TEX14: variants seen among roughly 807,000 people sequenced by gnomAD.
The protein encoded by TEX14 is testis expressed 14, intercellular bridge forming factor.
TEX14 carries 168 observed loss-of-function variants against 178.6 expected under a neutral mutation model. That is an observed-to-expected ratio of 0.94 (90% CI 0.83 to 1.07). TEX14 has a LOEUF of 1.07. TEX14 is among the 50% of genes least tolerant of loss of function. TEX14 has a pLI of 0.00. For synonymous variants in TEX14, 626 were observed against 634.1 expected (o/e 0.99, Z 0.19); for missense variants, 1,730 against 1,753.6 (o/e 0.99, Z 0.24).
intron 4 of TEX14, among the ~76,000 whole-genome samples, chr17:58,622,374 A>G (rs2046018848): frequency 6.6e-6 from 1 of 151,194 alleles, no homozygotes; most frequent in African/African-American, 2.4e-5. Context: ...TGAACCCAGG[A>G]GGCGGAGGTT....
At chr17:58,594,700 C>T (rs1379544726) in intron 14 of TEX14, among the ~76,000 whole-genome samples, 3 of 151,926 alleles carry the variant, frequency 2.0e-5, no homozygotes, top group Admixed American at 1.3e-4. Context: ...TTGTACTTAT[C>T]CATAAAATAA....
chr17:58,563,697 AGAGAGCGC>A (rs2044333776), intron 28 of TEX14, among the ~76,000 whole-genome samples: 5 of 24,764 alleles, frequency 2.0e-4, no homozygotes, highest in Non-Finnish European at 2.3e-4. Flanking sequence ...AGAGAGAGAG[AGAGAGCGC>A]AAGATCATAC....
chr17:58,674,755 T>A (rs1393126648), intron 1 of TEX14, among the ~76,000 whole-genome samples: 1 of 141,914 alleles, frequency 7.0e-6, no homozygotes, highest in Non-Finnish European at 1.5e-5. Flanking sequence ...ACATATGACA[T>A]CAAAAGCACA....
chr17:58,581,553 A>G, intron 19 of TEX14: 3 of 1,581,018 alleles, frequency 1.9e-6, no homozygotes, highest in Non-Finnish European at 2.6e-6. Flanking sequence ...TCTCAATAAA[A>G]GAAATAAGGC....
intron 1 of TEX14, among the ~76,000 whole-genome samples, chr17:58,684,271 G>A (rs2047553581): frequency 6.6e-6 from 1 of 151,726 alleles, no homozygotes; most frequent in Non-Finnish European, 1.5e-5. Context: ...AGACCAGCCT[G>A]ACCAATATGA....
At chr17:58,616,363 C>T (rs780142645) in intron 6 of TEX14, 58 bp from the exon 7 acceptor site, 10 of 1,579,414 alleles carry the variant, frequency 6.3e-6, no homozygotes, top group Non-Finnish European at 8.6e-6. Context: ...CAGAATACAT[C>T]CAGAATCTTA....
At chr17:58,643,864 G>T (rs1019483582) in intron 2 of TEX14, among the ~76,000 whole-genome samples, 3 of 94,260 alleles carry the variant, frequency 3.2e-5, no homozygotes, top group Non-Finnish European at 5.6e-5. Flanking sequence ...AACAGAGCAA[G>T]ACTCTGTCTC....
chr17:58,677,460 G>C (rs932161162), intron 1 of TEX14: 2 of 152,168 alleles, frequency 1.3e-5, no homozygotes, highest in African/African-American at 4.8e-5. Flanking sequence ...TAGTAGTACA[G>C]CTTCTCACTT....
At chr17:58,603,625 T>C (rs967792291) in intron 11 of TEX14, among the ~76,000 whole-genome samples, 8 of 146,370 alleles carry the variant, frequency 5.5e-5, no homozygotes, top group South Asian at 2.2e-4. Context: ...GAGGCTGAGG[T>C]GGGCGGATCA....
chr17:58,618,654 G>C lies in TEX14; in HGVS notation c.555-1035C>G, dbSNP rs556086300. On this transcript the variant is annotated intron_variant, in intron 5 of 31. Transcript: ENST00000349033. ...CCTTTTCTTGGCAAATGGCAAAGGA[G>C]CTGGGAGACGGTGCATACTCAGGGC... Among the ~76,000 whole-genome samples the C allele has an allele frequency of 2.0e-5, 3 of 152,350 alleles. No individual in the cohort carries two copies. The South Asian group carries it at 6.2e-4, about 32-fold the overall frequency.
chr17:58,643,229 A>G (rs891994268), intron 2 of TEX14, among the ~76,000 whole-genome samples: 62 of 152,178 alleles, frequency 4.1e-4, no homozygotes, highest in African/African-American at 1.4e-3. Flanking sequence ...ATGTTAAGAC[A>G]GTGAGGTACC....
chr17:58,586,550 G>C (rs930822981), intron 17 of TEX14, among the ~76,000 whole-genome samples: 1 of 152,108 alleles, frequency 6.6e-6, no homozygotes, highest in Non-Finnish European at 1.5e-5. Context: ...CTTACGACTA[G>C]TATTAAAAAT....
At chr17:58,625,812 C>T (rs2046124032) in intron 3 of TEX14, among the ~76,000 whole-genome samples, 1 of 152,212 alleles carries the variant, frequency 6.6e-6, no homozygotes, top group Admixed American at 6.5e-5. Context: ...ACAATCTTGG[C>T]TCACTGCAAC....
chr17:58,603,807 T>TC (rs889297720), intron 11 of TEX14, among the ~76,000 whole-genome samples: 10 of 145,944 alleles, frequency 6.9e-5, no homozygotes, highest in Non-Finnish European at 1.2e-4. Flanking sequence ...TGAGCCAAGA[T>TC]CCCGCCACTG....
At chr17:58,613,607 G>A (rs964565442) in intron 8 of TEX14, 63 bp from the exon 9 acceptor site, 31 of 1,555,130 alleles carry the variant, frequency 2.0e-5, no homozygotes, top group Middle Eastern at 1.7e-4. Flanking sequence ...AAAAATGAGC[G>A]TAGGCCTTTT....
chr17:58,681,898 T>C (rs896693550), intron 1 of TEX14, among the ~76,000 whole-genome samples: 6 of 152,036 alleles, frequency 3.9e-5, no homozygotes, highest in Non-Finnish European at 4.4e-5. Context: ...GAACAACTCA[T>C]GTAAGGGAAA....
intron 2 of TEX14, chr17:58,631,686 AACAGCAG>A (rs1410883269): frequency 6.6e-6 from 1 of 151,694 alleles, no homozygotes; most frequent in Non-Finnish European, 1.5e-5. Flanking sequence ...ACCAACAGCA[AACAGCAG>A]TTAGAATAAC....
At chr17:58,663,593 A>C (rs1284336188) in intron 1 of TEX14, among the ~76,000 whole-genome samples, 2 of 151,660 alleles carry the variant, frequency 1.3e-5, no homozygotes, top group Admixed American at 1.3e-4. Context: ...CAGCTTCCTG[A>C]GTAACTGGGA....
At chr17:58,598,759 G>C (rs2045354388) in intron 14 of TEX14, 117 bp downstream of exon 14, 1 of 1,031,038 alleles carries the variant, frequency 9.7e-7, no homozygotes. Flanking sequence ...TTACCTGATG[G>C]CTTATCTCTG....
Sources: gnomAD v4.1 joint callset for allele counts (sites outside exome capture counted in the v4.1 genomes callset) on GRCh38, gnomAD v4.1.1 for gene constraint, MANE v1.5 for transcripts, NCBI Gene and HGNC (gene_info 2026-07-23, HGNC 2026-07-21) for gene names.